The following RNF150 variants were observed in gnomAD, a reference collection of about 807,000 sequenced individuals.
RNF150 encodes ring finger protein 150.
In RNF150, 24 loss-of-function variants were observed where a neutral mutation model predicts 39.3. That is an observed-to-expected ratio of 0.61 (90% CI 0.44 to 0.86). RNF150 has a LOEUF of 0.86. Among genes scored for constraint, RNF150 ranks in the 40% least tolerant of loss-of-function variants. RNF150 has a pLI of 0.00. For synonymous variants in RNF150, 255 were observed against 227.3 expected (o/e 1.12, Z -1.10); for missense variants, 502 against 587.8 (o/e 0.85, Z 1.51).
intron 1 of RNF150, among the ~76,000 whole-genome samples, chr4:140,986,528 G>A (rs537005461): frequency 6.6e-6 from 1 of 152,182 alleles, no homozygotes; most frequent in African/African-American, 2.4e-5. Context: ...CTTCTTGATA[G>A]CTCCCTGCAT....
chr4:141,045,511 G>A (rs1456617620), intron 1 of RNF150, among the ~76,000 whole-genome samples: 3 of 151,800 alleles, frequency 2.0e-5, no homozygotes, highest in Non-Finnish European at 4.4e-5. Context: ...TTTATATTTA[G>A]GAACACATTC....
At chr4:141,059,166 T>C (rs1737111902) in intron 1 of RNF150, among the ~76,000 whole-genome samples, 1 of 152,192 alleles carries the variant, frequency 6.6e-6, no homozygotes, top group Non-Finnish European at 1.5e-5. Flanking sequence ...TCCAAAGTCT[T>C]TCCTACAGGA....
At chr4:141,178,268 G>GCA (rs576196884) in intron 1 of RNF150, among the ~76,000 whole-genome samples, 8 of 152,096 alleles carry the variant, frequency 5.3e-5, no homozygotes, top group African/African-American at 1.7e-4. Flanking sequence ...GTGTGCGTGC[G>GCA]CATGCACACA....
At chr4:141,041,313 T>C (rs1407344775) in intron 1 of RNF150, among the ~76,000 whole-genome samples, 2 of 152,040 alleles carry the variant, frequency 1.3e-5, no homozygotes, top group Non-Finnish European at 2.9e-5. Flanking sequence ...AATAATGAAA[T>C]GTAAACACAG....
chr4:140,952,878 G>C (rs962730486), intron 2 of RNF150, among the ~76,000 whole-genome samples: 1 of 152,182 alleles, frequency 6.6e-6, no homozygotes, highest in African/African-American at 2.4e-5. Context: ...GAAATCCATT[G>C]TTAGGCGATT....
chr4:141,006,023 C>T (rs1480805201), intron 1 of RNF150, among the ~76,000 whole-genome samples: 1 of 128,596 alleles, frequency 7.8e-6, no homozygotes, highest in Non-Finnish European at 1.7e-5. Flanking sequence ...GAGCCGAGAT[C>T]CCGCCACTGC....
At chr4:141,050,802 G>A (rs1300290239) in intron 1 of RNF150, among the ~76,000 whole-genome samples, 1 of 152,150 alleles carries the variant, frequency 6.6e-6, no homozygotes, top group Non-Finnish European at 1.5e-5. Flanking sequence ...GGTGAATGGT[G>A]CACACTGTCA....
intron 1 of RNF150, among the ~76,000 whole-genome samples, chr4:141,173,845 A>G (rs1402106176): frequency 6.6e-6 from 1 of 152,258 alleles, no homozygotes; most frequent in Non-Finnish European, 1.5e-5. Flanking sequence ...TCAAGTAAAA[A>G]GTGAAAGTTC....
chr4:141,080,979 T>G (rs942474580), intron 1 of RNF150, among the ~76,000 whole-genome samples: 5 of 152,164 alleles, frequency 3.3e-5, no homozygotes, highest in Non-Finnish European at 7.3e-5. Flanking sequence ...AGTGACCTGT[T>G]TACCGGATCA....
intron 1 of RNF150, among the ~76,000 whole-genome samples, chr4:141,161,998 C>T (rs1727520395): frequency 6.6e-6 from 1 of 152,230 alleles, no homozygotes; most frequent in Non-Finnish European, 1.5e-5. Context: ...AGCCCCAACA[C>T]AGAGTCCGCA....
At chr4:141,000,960 G>T (rs1734645778) in intron 1 of RNF150, among the ~76,000 whole-genome samples, 1 of 152,146 alleles carries the variant, frequency 6.6e-6, no homozygotes, top group South Asian at 2.1e-4. Context: ...GGCTCATTTA[G>T]AGCTAATTTA....
chr4:140,884,457 C>A (rs1729489498), intron 6 of RNF150, among the ~76,000 whole-genome samples: 1 of 152,210 alleles, frequency 6.6e-6, no homozygotes, highest in Non-Finnish European at 1.5e-5. Context: ...AGTTCGCCAA[C>A]CAGCCCAGCT....
chr4:141,134,558 C>T (rs1316044559), upstream of RNF150, among the ~76,000 whole-genome samples: 4 of 152,222 alleles, frequency 2.6e-5, no homozygotes, highest in Non-Finnish European at 4.4e-5. Context: ...TCTCTTTTTC[C>T]GGCAGCAGTA....
At chr4:141,121,634 C>T (rs2111086968) in intron 1 of RNF150, among the ~76,000 whole-genome samples, 1 of 152,278 alleles carries the variant, frequency 6.6e-6, no homozygotes, top group South Asian at 2.1e-4. Flanking sequence ...CCTGCACTTG[C>T]TGCATTTGCC....
chr4:141,065,203 C>T (rs1737404184), intron 1 of RNF150, among the ~76,000 whole-genome samples: 1 of 152,138 alleles, frequency 6.6e-6, no homozygotes, highest in African/African-American at 2.4e-5. Context: ...TGCCATAGGG[C>T]TTGATGTCTC....
intron 1 of RNF150, among the ~76,000 whole-genome samples, chr4:141,149,130 G>C (rs1727253049): frequency 6.6e-6 from 1 of 152,140 alleles, no homozygotes; most frequent in Non-Finnish European, 1.5e-5. Context: ...TTATCCTTTT[G>C]TGGGGATTTC....
At chr4:141,033,907 C>T (rs975034226) in intron 1 of RNF150, among the ~76,000 whole-genome samples, 1 of 152,156 alleles carries the variant, frequency 6.6e-6, no homozygotes, top group Non-Finnish European at 1.5e-5. Context: ...AAATCACATG[C>T]AGAAATGTAA....
intron 1 of RNF150, among the ~76,000 whole-genome samples, chr4:141,070,504 G>C (rs1333862836): frequency 7.4e-5 from 11 of 148,100 alleles, no homozygotes; most frequent in African/African-American, 2.2e-4. Context: ...CTAATATCCA[G>C]AATCTACAAT....
intron 2 of RNF150, among the ~76,000 whole-genome samples, chr4:140,953,521 GAT>G (rs1732619154): frequency 1.5e-4 from 1 of 6,566 alleles, no homozygotes. Flanking sequence ...TGTAATAAAA[GAT>G]TTTTTTTTTT....
Sources: allele counts gnomAD v4.1 joint callset (sites outside exome capture counted in the v4.1 genomes callset), GRCh38; gene constraint gnomAD v4.1.1; transcripts MANE v1.5; gene names NCBI Gene and HGNC (gene_info 2026-07-23, HGNC 2026-07-21).